Variants in MAD1L1 observed in about 807,000 individuals in gnomAD.
MAD1L1 encodes the protein mitotic arrest deficient 1 like 1, also known as mitotic spindle assembly checkpoint protein MAD1.
A neutral mutation model predicts 96.9 loss-of-function variants in MAD1L1; 95 were observed. The observed-to-expected ratio is 0.98, with a 90% CI of 0.83 to 1.16. The LOEUF is 1.16. MAD1L1 is among the 50% of genes most tolerant of loss of function. The pLI is 0.00. For synonymous variants in MAD1L1, 473 were observed against 396.6 expected (o/e 1.19, Z -2.29); for missense variants, 1,007 against 954.4 (o/e 1.06, Z -0.73).
chr7:1,836,925 C>T (rs772701296), intron 18 of MAD1L1, among the ~76,000 whole-genome samples: 3 of 152,012 alleles, frequency 2.0e-5, no homozygotes, highest in South Asian at 2.1e-4. Context: ...TTCTTAGATA[C>T]GACAGCAAAA....
chr7:1,925,327 GCATCCTTCTAAAT>G (rs1789027399), intron 17 of MAD1L1, among the ~76,000 whole-genome samples: 1 of 152,186 alleles, frequency 6.6e-6, no homozygotes, highest in African/African-American at 2.4e-5. Flanking sequence ...AAATTAAAAA[GCATCCTTCTAAAT>G]CTGTATGGAT....
chr7:2,018,162 AAC>A (rs1782627058), intron 12 of MAD1L1, among the ~76,000 whole-genome samples: 1 of 152,166 alleles, frequency 6.6e-6, no homozygotes, highest in African/African-American at 2.4e-5. Context: ...AGTCAGACCC[AAC>A]ACACACACCC....
intron 12 of MAD1L1, among the ~76,000 whole-genome samples, chr7:2,043,994 G>A (rs1362079940): frequency 6.6e-6 from 1 of 152,228 alleles, no homozygotes; most frequent in African/African-American, 2.4e-5. Flanking sequence ...GAGAGCACAC[G>A]CAATGGACGG....
chr7:1,897,316 C>G (rs925231026), intron 18 of MAD1L1, among the ~76,000 whole-genome samples: 1 of 152,232 alleles, frequency 6.6e-6, no homozygotes, highest in African/African-American at 2.4e-5. Context: ...TTTAGACGCC[C>G]GTTCCAGACC....
At position 1,968,602 on chromosome 7, in the gene MAD1L1, G is replaced by C. The variant is rs1220945027; in HGVS notation, c.1506-10883C>G. Among the ~76,000 whole-genome samples, 1 of 152,108 alleles carries C rather than the reference G, an allele frequency of 6.6e-6. No homozygotes were observed. The highest frequency in any genetic ancestry group is 1.5e-5 in the Non-Finnish European group (1 of 68,016). On this transcript the variant is annotated intron_variant, in intron 15 of 18. Coordinates refer to ENST00000265854, the MANE Select transcript of MAD1L1 (RefSeq NM_001013836.2). This position sits in a 1 kb window ranked among gnomAD's most constrained non-coding sequence, Gnocchi z 5.6. ...CCACTGTCCACGCCTCAGTCCGGCA[G>C]TCAGGTCCGCTGTCAACGCCTCAGT... is the stretch of plus-strand genomic sequence containing the variant.
At chr7:2,076,536 C>T (rs1048820503) in intron 11 of MAD1L1, among the ~76,000 whole-genome samples, 6 of 152,198 alleles carry the variant, frequency 3.9e-5, no homozygotes, top group East Asian at 1.9e-4. Flanking sequence ...CGAACACAGA[C>T]GGTCTCCTAA....
rs1030611942 is a variant in MAD1L1, at chr7:2,160,635, T to C, written c.987-11397A>G. ...GGCGTGAGCCACCGCCCCCGGCCTATTTTTTTTTCTTTTTTGAGACAGAGG... is the reference window on the plus strand; with the variant it reads ...GGCGTGAGCCACCGCCCCCGGCCTACTTTTTTTTCTTTTTTGAGACAGAGG... On this transcript the variant is annotated intron_variant, in intron 10 of 18. Coordinates refer to ENST00000265854, the MANE Select transcript of MAD1L1 (RefSeq NM_001013836.2). 7.5e-4 allele frequency among the ~76,000 whole-genome samples: 112 copies of C among 150,054 alleles called. 1 individual carries two copies. Among genetic ancestry groups the C allele is most frequent in the African/African-American group, 2.6e-3 (106 of 41,070 alleles).
chr7:1,888,573 C>T (rs1356624258), intron 18 of MAD1L1, among the ~76,000 whole-genome samples: 2 of 148,358 alleles, frequency 1.3e-5, no homozygotes, highest in Non-Finnish European at 3.0e-5. Flanking sequence ...TGTGGCTGTA[C>T]ATGTGAGCAT....
chr7:1,904,572 A>T lies in MAD1L1; in HGVS notation c.1808-6182T>A, dbSNP rs182609431. Reference sequence around the variant, plus strand: ...GCAGCGAGGACGCAGTGGCCTACGGAAGACGCTCTTGCAGAATTCATGATT... The same window carrying T: ...GCAGCGAGGACGCAGTGGCCTACGGTAGACGCTCTTGCAGAATTCATGATT... On this transcript the variant is annotated intron_variant, in intron 17 of 18. Transcript: ENST00000265854. 5.1e-4 allele frequency among the ~76,000 whole-genome samples: 66 copies of T among 128,676 alleles called. 9 individuals are homozygous for T. The highest frequency in any genetic ancestry group is 4.8e-3 in the Admixed American group (66 of 13,740). The allele number at this position is 128,676 out of a possible 152,430, so 84.4% of individuals were successfully genotyped here.
Position 2,213,735 on chromosome 7 carries a change from G to C in MAD1L1, c.925-462C>G, listed in dbSNP as rs144462180. ...CTTCCTGCCATCACACAGCAGACCAGGACCAGCAGGCCCTAGGAGAGGAGG... is the reference window on the plus strand; with the variant it reads ...CTTCCTGCCATCACACAGCAGACCACGACCAGCAGGCCCTAGGAGAGGAGG... On this transcript the variant is annotated intron_variant, in intron 9 of 18. Transcript: ENST00000265854. 1.2e-4 allele frequency among the ~76,000 whole-genome samples: 19 copies of C among 152,204 alleles called. No individual in the cohort carries two copies. In the East Asian group the frequency reaches 3.7e-3, roughly 29 times the overall value.
chr7:2,162,975 C>T (rs1790240879), intron 10 of MAD1L1, among the ~76,000 whole-genome samples: 1 of 151,868 alleles, frequency 6.6e-6, no homozygotes, highest in Non-Finnish European at 1.5e-5. Flanking sequence ...GACCTTACAA[C>T]TTTTCCTCAT....
At chr7:2,037,079 G>T (rs1179381912) in intron 12 of MAD1L1, among the ~76,000 whole-genome samples, 1 of 152,016 alleles carries the variant, frequency 6.6e-6, no homozygotes, top group Admixed American at 6.5e-5. Flanking sequence ...GCTTCCACGC[G>T]CCCACGAAGG....
At chr7:2,183,890 C>T (rs1335248307) in intron 10 of MAD1L1, among the ~76,000 whole-genome samples, 3 of 151,510 alleles carry the variant, frequency 2.0e-5, no homozygotes, top group Non-Finnish European at 4.4e-5. Flanking sequence ...TACCCTAAAA[C>T]TTAAAGTATA....
intron 17 of MAD1L1, among the ~76,000 whole-genome samples, chr7:1,907,890 C>G (rs556252359): frequency 5.5e-4 from 84 of 152,326 alleles, no homozygotes; most frequent in African/African-American, 1.8e-3. Flanking sequence ...CAAGGACACC[C>G]AAAAGATCAC....
Position 1,997,461 on chromosome 7 carries a change from A to G in MAD1L1, c.1416+4604T>C, listed in dbSNP as rs1584030125. Among the ~76,000 whole-genome samples the G allele has an allele frequency of 2.0e-5, 3 of 152,256 alleles. No individual in the cohort carries two copies. In the East Asian group the frequency reaches 5.8e-4, roughly 29 times the overall value. ...CAGCACCCACTGCCGAGCCAGTCAC[A>G]GGGAACTGGGTGGGAGGGGCCTCAG... On this transcript the variant is annotated intron_variant, in intron 14 of 18. Transcript: ENST00000265854.
At chr7:2,130,492 G>C (rs1260327931) in intron 11 of MAD1L1, among the ~76,000 whole-genome samples, 1 of 152,160 alleles carries the variant, frequency 6.6e-6, no homozygotes, top group African/African-American at 2.4e-5. Context: ...AAGGAGACCA[G>C]CTTCCCACAT....
At chr7:1,886,969 G>C (rs1427379083) in intron 18 of MAD1L1, among the ~76,000 whole-genome samples, 1 of 152,278 alleles carries the variant, frequency 6.6e-6, no homozygotes, top group Non-Finnish European at 1.5e-5. Flanking sequence ...TGGTGAGAAG[G>C]CTTCAGGGCT....
At chr7:2,000,344 T>C (rs565953803) in intron 14 of MAD1L1, among the ~76,000 whole-genome samples, 5 of 152,124 alleles carry the variant, frequency 3.3e-5, no homozygotes, top group African/African-American at 1.2e-4. Flanking sequence ...TCCCACCCAT[T>C]GCGGCCCTGC....
At chr7:1,949,894 A>G (rs1044951016) in intron 16 of MAD1L1, among the ~76,000 whole-genome samples, 1 of 152,186 alleles carries the variant, frequency 6.6e-6, no homozygotes, top group African/African-American at 2.4e-5. Context: ...AGACATGCTC[A>G]GGGATATCAG....
Sources: allele counts gnomAD v4.1 joint callset (sites outside exome capture counted in the v4.1 genomes callset), GRCh38; gene constraint gnomAD v4.1.1; non-coding constraint Gnocchi (gnomAD v3.1); transcripts MANE v1.5; gene names NCBI Gene and HGNC (gene_info 2026-07-23, HGNC 2026-07-21).